Variants in CLYBL observed in about 807,000 individuals in gnomAD.
The protein encoded by CLYBL is citramalyl-CoA lyase.
In CLYBL, 31 loss-of-function variants were observed where a neutral mutation model predicts 38.9. That is an observed-to-expected ratio of 0.80 (90% CI 0.60 to 1.08). The LOEUF is 1.08. Among genes scored for constraint, CLYBL ranks in the 50% least tolerant of loss-of-function variants. The probability of loss-of-function intolerance (pLI) is 0.00; values close to 1 mark genes in which losing one functional copy is unlikely to be tolerated. For synonymous variants in CLYBL, 171 were observed against 158.6 expected, an observed-to-expected ratio of 1.08 and a Z score of -0.59; for missense variants, 434 against 411.6, an observed-to-expected ratio of 1.05 and a Z score of -0.47.
intron 1 of CLYBL, among the ~76,000 whole-genome samples, chr13:99,731,374 C>A (rs1303750459): frequency 6.6e-6 from 1 of 151,042 alleles, no homozygotes; most frequent in African/African-American, 2.4e-5. Context: ...GGGCTCATAC[C>A]TGTAATCCCA....
chr13:99,617,906 G>A lies in CLYBL; in HGVS notation c.62+11149G>A, dbSNP rs186299280. Among the ~76,000 whole-genome samples, 38 of 152,278 alleles carry A rather than the reference G, an allele frequency of 2.5e-4. No individual in the cohort carries two copies. The East Asian group carries it at 6.8e-3, about 27-fold the overall frequency. On this transcript the variant is annotated intron_variant, in intron 1 of 8. Transcript: ENST00000339105. ...CAGCTCAAATGTCACAAATCAGAGA[G>A]GTCTTCCTTGACCACCCTGTACAAC... is the stretch of plus-strand genomic sequence containing the variant.
chr13:99,772,539 A>G (rs1234621507), intron 1 of CLYBL, among the ~76,000 whole-genome samples: 1 of 152,132 alleles, frequency 6.6e-6, no homozygotes, highest in Admixed American at 6.5e-5. Flanking sequence ...TCTACAAAAA[A>G]TACAAAAAAT....
chr13:99,853,943 A>T (rs1188945128), intron 2 of CLYBL, among the ~76,000 whole-genome samples: 1 of 152,236 alleles, frequency 6.6e-6, no homozygotes, highest in African/African-American at 2.4e-5. Context: ...TGCCCGTGAC[A>T]TGACATCATT....
intron 1 of CLYBL, among the ~76,000 whole-genome samples, chr13:99,750,472 G>A (rs551704737): frequency 1.3e-5 from 2 of 152,056 alleles, no homozygotes; most frequent in South Asian, 2.1e-4. Flanking sequence ...TCAGGGGTTC[G>A]AGACCAGCCT....
At chr13:99,842,831 C>T (rs1414377412) in intron 2 of CLYBL, among the ~76,000 whole-genome samples, 1 of 152,082 alleles carries the variant, frequency 6.6e-6, no homozygotes, top group Non-Finnish European at 1.5e-5. Flanking sequence ...CCCTCGAGCC[C>T]AGGAGTTTGA....
intron 1 of CLYBL, among the ~76,000 whole-genome samples, chr13:99,723,591 T>C (rs1036547757): frequency 6.6e-6 from 1 of 152,234 alleles, no homozygotes; most frequent in African/African-American, 2.4e-5. Context: ...AGTTTCTCTC[T>C]GGAAATTTCT....
At chr13:99,768,419 TC>T (rs1199197376) in intron 1 of CLYBL, among the ~76,000 whole-genome samples, 1 of 150,148 alleles carries the variant, frequency 6.7e-6, no homozygotes, top group Non-Finnish European at 1.5e-5. Context: ...GGTCTCAAAC[TC>T]CTGATCTCGT....
chr13:99,875,963 T>C lies in CLYBL; in HGVS notation c.927+4901T>C, dbSNP rs1000924847. 3.9e-5 allele frequency among the ~76,000 whole-genome samples: 6 copies of C among 152,260 alleles called. No homozygotes were observed. In the East Asian group the frequency reaches 5.8e-4, roughly 15 times the overall value. On this transcript the variant is annotated intron_variant, in intron 7 of 8. Coordinates refer to ENST00000339105, the MANE Select transcript of CLYBL (RefSeq NM_206808.5). ...TTAGAAAATCTGAGTCTGCCAATGA[T>C]GACTTTAAGATTGGATGGATTAACA... is the stretch of plus-strand genomic sequence containing the variant.
chr13:99,609,513 C>T (rs1038680615), intron 1 of CLYBL, among the ~76,000 whole-genome samples: 3 of 152,020 alleles, frequency 2.0e-5, no homozygotes, highest in African/African-American at 7.2e-5. Context: ...CGTCTTCCAA[C>T]TCAAATCATT....
chr13:99,714,802 A>T (rs1354688309), intron 1 of CLYBL, among the ~76,000 whole-genome samples: 1 of 151,942 alleles, frequency 6.6e-6, no homozygotes, highest in Admixed American at 6.6e-5. Context: ...ACAAAAAATT[A>T]GCCAGGCATG....
At chr13:99,666,906 G>A (rs2047489754) in intron 1 of CLYBL, among the ~76,000 whole-genome samples, 1 of 152,146 alleles carries the variant, frequency 6.6e-6, no homozygotes, top group African/African-American at 2.4e-5. Flanking sequence ...TTTTTCTGGG[G>A]ATCACGTGAT....
chr13:99,722,846 C>T (rs1400428835), intron 1 of CLYBL, among the ~76,000 whole-genome samples: 3 of 152,236 alleles, frequency 2.0e-5, no homozygotes, highest in Non-Finnish European at 4.4e-5. Flanking sequence ...ATGCCGCTTG[C>T]TGGTGGCTTC....
intron 2 of CLYBL, among the ~76,000 whole-genome samples, chr13:99,829,288 T>G (rs1054674801): frequency 1.3e-5 from 2 of 152,182 alleles, no homozygotes; most frequent in African/African-American, 4.8e-5. Flanking sequence ...GTTTTTTTTC[T>G]TCCTTGGAAA....
At chr13:99,772,689 C>T (rs1566320771) in intron 1 of CLYBL, 135 bp from the exon 2 acceptor site, 1 of 734,854 alleles carries the variant, frequency 1.4e-6, no homozygotes, top group African/African-American at 1.8e-5. Context: ...AGAGCAAGAC[C>T]CTGTCTCAAA....
In CLYBL at chr13:99,658,630, A is replaced by C. The variant is rs553029435; in HGVS notation, c.62+51873A>C. The stretch of plus-strand genomic sequence containing the variant: ...ACAGGCAGCGGGGCGGGGTGTGGAC[A>C]GGAACAAGGAGGTGGGGTGGGGAGG... On this transcript the variant is annotated intron_variant, in intron 1 of 8. Transcript: ENST00000339105. Among the ~76,000 whole-genome samples, 682 of 152,286 alleles carry C rather than the reference A, an allele frequency of 4.5e-3. 5 individuals carry two copies. Among genetic ancestry groups the C allele is most frequent in the African/African-American group, 0.015 (615 of 41,548 alleles).
At chr13:99,809,393 G>A (rs2050296324) in intron 2 of CLYBL, among the ~76,000 whole-genome samples, 1 of 152,182 alleles carries the variant, frequency 6.6e-6, no homozygotes, top group Non-Finnish European at 1.5e-5. Flanking sequence ...CTCCGATGGT[G>A]GGCTCAAGGT....
intron 1 of CLYBL, among the ~76,000 whole-genome samples, chr13:99,608,061 CTTTTTTTT>C (rs56149363): frequency 1.6e-4 from 12 of 75,048 alleles, no homozygotes; most frequent in South Asian, 1.4e-3. Context: ...TCTGGAACTT[CTTTTTTTT>C]TTTTTTTTTT....
chr13:99,699,960 C>T (rs1405603195), intron 1 of CLYBL, among the ~76,000 whole-genome samples: 1 of 151,974 alleles, frequency 6.6e-6, no homozygotes, highest in Non-Finnish European at 1.5e-5. Context: ...CCACTGCACT[C>T]CAGCCTGGGC....
chr13:99,825,236 C>G (rs2050672561), intron 2 of CLYBL, among the ~76,000 whole-genome samples: 1 of 152,166 alleles, frequency 6.6e-6, no homozygotes, highest in African/African-American at 2.4e-5. Flanking sequence ...GTGGAAGATC[C>G]TTGCTTGGCC....
Sources: allele counts gnomAD v4.1 joint callset (sites outside exome capture counted in the v4.1 genomes callset), GRCh38; gene constraint gnomAD v4.1.1; transcripts MANE v1.5; gene names NCBI Gene and HGNC (gene_info 2026-07-23, HGNC 2026-07-21).